Variants in HHAT observed in about 807,000 individuals in gnomAD.
HHAT encodes the protein hedgehog acyltransferase, also known as protein-cysteine N-palmitoyltransferase HHAT.
HHAT carries 47 observed loss-of-function variants against 70.8 expected under a neutral mutation model. That is an observed-to-expected ratio of 0.66 (90% CI 0.53 to 0.85). The LOEUF is 0.85. Among genes scored for constraint, HHAT ranks in the 40% least tolerant of loss-of-function variants. HHAT has a pLI of 0.00. For synonymous variants in HHAT, 228 were observed against 247.6 expected (o/e 0.92, Z 0.74); for missense variants, 609 against 604.8 (o/e 1.01, Z -0.07).
At position 210,449,251 on chromosome 1, in the gene HHAT, C is replaced by T. The variant is rs571835427; in HGVS notation, c.857-15254C>T. Reference sequence around the variant, plus strand: ...TCTAGCTCCTTTTTCTGCCTTTTCCCCCCTTAGGAACAAAGCTCATCCTCT... The same window carrying T: ...TCTAGCTCCTTTTTCTGCCTTTTCCTCCCTTAGGAACAAAGCTCATCCTCT... On this transcript the variant is annotated intron_variant, in intron 7 of 11. Transcript: ENST00000261458. Among the ~76,000 whole-genome samples, 26 of 151,644 alleles carry T rather than the reference C, an allele frequency of 1.7e-4. No homozygotes were observed. In the South Asian group the frequency reaches 2.9e-3, roughly 17 times the overall value.
intron 7 of HHAT, among the ~76,000 whole-genome samples, chr1:210,455,752 T>C (rs1214762043): frequency 6.6e-6 from 1 of 152,184 alleles, no homozygotes; most frequent in Non-Finnish European, 1.5e-5. Context: ...AAATAAAATA[T>C]TACAACATAG....
chr1:210,622,720 C>G (rs2068898), intron 10 of HHAT, among the ~76,000 whole-genome samples: 94,260 of 152,020 alleles, frequency 0.62, 30,320 homozygotes, highest in South Asian at 0.79. Context: ...GGCTCACACT[C>G]ATTGTCCTAC....
chr1:210,600,540 G>T (rs773267121), intron 10 of HHAT, among the ~76,000 whole-genome samples: 5 of 152,124 alleles, frequency 3.3e-5, no homozygotes, highest in African/African-American at 4.8e-5. Context: ...CTTCCTGGTA[G>T]CCTGCTGCTT....
intron 9 of HHAT, among the ~76,000 whole-genome samples, chr1:210,543,862 C>T (rs1396766678): frequency 6.6e-6 from 1 of 152,146 alleles, no homozygotes; most frequent in Non-Finnish European, 1.5e-5. Flanking sequence ...ATAAATTCAT[C>T]GAGGCCTCAT....
At chr1:210,361,753 G>T (rs2088340600) in intron 2 of HHAT, among the ~76,000 whole-genome samples, 1 of 151,854 alleles carries the variant, frequency 6.6e-6, no homozygotes, top group African/African-American at 2.4e-5. Context: ...TTTTGGGGGG[G>T]AATCTCAGCC....
rs1326199130 is a variant in HHAT at position 210,382,657 on chromosome 1, A to G, written c.160-4811A>G. On this transcript the variant is annotated intron_variant, in intron 3 of 11. Transcript: ENST00000261458. Reference sequence around the variant, plus strand: ...ATGTGGATGACGGAGAAGGGAGTGCAATGAGGTCCACCTGGGGAGGTAGGT... The same window carrying G: ...ATGTGGATGACGGAGAAGGGAGTGCGATGAGGTCCACCTGGGGAGGTAGGT... Among the ~76,000 whole-genome samples the G allele has an allele frequency of 2.6e-5, 4 of 152,330 alleles. No individual in the cohort carries two copies. The East Asian group carries it at 7.7e-4, about 29-fold the overall frequency.
At chr1:210,493,728 G>A (rs1231918870) in intron 8 of HHAT, among the ~76,000 whole-genome samples, 2 of 152,152 alleles carry the variant, frequency 1.3e-5, no homozygotes, top group African/African-American at 2.4e-5. Flanking sequence ...AAATGATCTA[G>A]TGACGGGAAA....
chr1:210,588,189 C>T, intron 10 of HHAT, 90 bp downstream of exon 10: 1 of 1,073,202 alleles, frequency 9.3e-7, no homozygotes, highest in East Asian at 2.6e-5. Flanking sequence ...TCCCTGCCCC[C>T]ACTATGGGCC....
intron 7 of HHAT, among the ~76,000 whole-genome samples, chr1:210,439,330 A>ATT: frequency 6.6e-6 from 1 of 151,824 alleles, no homozygotes; most frequent in South Asian, 2.1e-4. Flanking sequence ...TCCTGAAATC[A>ATT]TTTTATTACT....
chr1:210,617,738 A>G (rs1668023660), intron 10 of HHAT, among the ~76,000 whole-genome samples: 1 of 152,266 alleles, frequency 6.6e-6, no homozygotes, highest in South Asian at 2.1e-4. Flanking sequence ...CCAATTAAAC[A>G]AATCTGGCTT....
chr1:210,653,434 G>T (rs1675608157), intron 11 of HHAT, among the ~76,000 whole-genome samples: 1 of 151,810 alleles, frequency 6.6e-6, no homozygotes, highest in Non-Finnish European at 1.5e-5. Context: ...GGGTGCTGAG[G>T]TGGGAGAATT....
chr1:210,624,042 T>G (rs1230791489), intron 11 of HHAT, among the ~76,000 whole-genome samples: 1 of 152,160 alleles, frequency 6.6e-6, no homozygotes, highest in Non-Finnish European at 1.5e-5. Flanking sequence ...AATCCCCAAT[T>G]GGCATTATTA....
chr1:210,480,830 CAT>C (rs1011316017), intron 8 of HHAT, among the ~76,000 whole-genome samples: 3 of 152,198 alleles, frequency 2.0e-5, no homozygotes, highest in Non-Finnish European at 2.9e-5. Flanking sequence ...TGGATACACT[CAT>C]GTGGGACTTT....
chr1:210,658,939 T>C (rs1375475600), intron 11 of HHAT, among the ~76,000 whole-genome samples: 4 of 151,992 alleles, frequency 2.6e-5, no homozygotes, highest in South Asian at 2.1e-4. Flanking sequence ...TGTAAAGCAG[T>C]GTATAGAGGG....
intron 11 of HHAT, among the ~76,000 whole-genome samples, chr1:210,668,083 G>A (rs200026730): frequency 4.6e-5 from 7 of 151,846 alleles, no homozygotes; most frequent in East Asian, 1.9e-4. Context: ...TTTTGTGTCC[G>A]GCTTATTTTA....
chr1:210,384,920 G>T (rs959118661), intron 3 of HHAT, among the ~76,000 whole-genome samples: 1 of 152,110 alleles, frequency 6.6e-6, no homozygotes. Flanking sequence ...TTTCTGTTTG[G>T]TCATTTCCCT....
At chr1:210,423,515 T>G in intron 7 of HHAT, among the ~76,000 whole-genome samples, 1 of 152,158 alleles carries the variant, frequency 6.6e-6, no homozygotes, top group South Asian at 2.1e-4. Flanking sequence ...TAAGTTGTCT[T>G]TTCACTCTGT....
At chr1:210,332,170 A>G (rs1262088931) in intron 1 of HHAT, among the ~76,000 whole-genome samples, 2 of 152,190 alleles carry the variant, frequency 1.3e-5, no homozygotes, top group Non-Finnish European at 2.9e-5. Flanking sequence ...TTCAGAAGTG[A>G]CCTCTTTGGC....
intron 7 of HHAT, among the ~76,000 whole-genome samples, chr1:210,421,448 C>A (rs2092901504): frequency 6.6e-6 from 1 of 152,006 alleles, no homozygotes; most frequent in South Asian, 2.1e-4. Flanking sequence ...TTTGGTATAT[C>A]ATTTCTTAAT....
Sources: gnomAD v4.1 joint callset for allele counts (sites outside exome capture counted in the v4.1 genomes callset) on GRCh38, gnomAD v4.1.1 for gene constraint, MANE v1.5 for transcripts, NCBI Gene and HGNC (gene_info 2026-07-23, HGNC 2026-07-21) for gene names.